FBN1: variants seen among roughly 807,000 people sequenced by gnomAD.
The protein encoded by FBN1 is fibrillin 1.
FBN1 carries 29 observed loss-of-function variants against 365.1 expected under a neutral mutation model. The observed-to-expected ratio is 0.08, with a 90% confidence interval of 0.06 to 0.11. The LOEUF is 0.11. Among genes scored for constraint, FBN1 ranks in the 10% least tolerant of loss-of-function variants. The pLI is 1.00. For synonymous variants in FBN1, 1,210 were observed against 1,270.5 expected, an observed-to-expected ratio of 0.95 and a Z score of 1.01; for missense variants, 2,476 against 3,703.2, an observed-to-expected ratio of 0.67 and a Z score of 8.60.
rs28730794 is a variant in FBN1, at chr15:48,472,836, A to C, written c.4211-160T>G. 0.46 allele frequency among the ~76,000 whole-genome samples: 70,067 copies of C among 151,904 alleles called. 19,401 individuals carry two copies. The highest frequency in any genetic ancestry group is 0.78 in the African/African-American group (32,304 of 41,410). On this transcript the variant is annotated intron_variant, in intron 34 of 65. Coordinates refer to ENST00000316623, the MANE Select transcript of FBN1 (RefSeq NM_000138.5). The stretch of plus-strand genomic sequence containing the variant: ...CTTTGGTAGGCTAACACTGAATATG[A>C]AATTTACATGTGGCTGATTCAGAAT...
intron 4 of FBN1, among the ~76,000 whole-genome samples, chr15:48,610,372 G>T (rs1597631368): frequency 6.6e-6 from 1 of 152,170 alleles, no homozygotes; most frequent in East Asian, 1.9e-4. Context: ...AAGGAAGCAT[G>T]CCTAGATTTC....
chr15:48,469,114 TATATATATAAAATATAATATATATTAC>T (rs1473758535), intron 36 of FBN1, among the ~76,000 whole-genome samples: 6 of 144,736 alleles, frequency 4.1e-5, no homozygotes, highest in African/African-American at 1.3e-4. Context: ...ATATATTACA[TATATATATAAAATATAATATATATTAC>T]ATATATATAT....
chr15:48,481,589 A>G, intron 32 of FBN1, 66 bp downstream of exon 32: 22 of 1,488,804 alleles, frequency 1.5e-5, no homozygotes, highest in Non-Finnish European at 2.0e-5. Context: ...ACATGTATCA[A>G]TCTATAATTA....
intron 30 of FBN1, 85 bp downstream of exon 30, chr15:48,485,289 C>T (rs1420524466): frequency 5.7e-6 from 9 of 1,584,014 alleles, no homozygotes; most frequent in Non-Finnish European, 7.8e-6. Flanking sequence ...TGGACTCAAG[C>T]CTGCTTGACT....
Position 48,430,855 on chromosome 15 carries a change from T to A in FBN1, c.6740-53A>T, listed in dbSNP as rs1016959252. The A allele has an allele frequency of 4.4e-6, 7 of 1,574,374 alleles. No homozygotes were observed. In the African/African-American group the frequency reaches 9.4e-5, roughly 21 times the overall value. On this transcript the variant is annotated intron_variant, in intron 55 of 65. Coordinates refer to ENST00000316623, the MANE Select transcript of FBN1 (RefSeq NM_000138.5). ...GTCAAAGAAAATGCATATATCTGCC[T>A]TAATTACCTGACTTTTAAACATAAA... is the stretch of plus-strand genomic sequence containing the variant.
intron 6 of FBN1, among the ~76,000 whole-genome samples, chr15:48,560,636 C>T (rs1044618199): frequency 2.0e-5 from 3 of 152,118 alleles, no homozygotes; most frequent in South Asian, 2.1e-4. Context: ...CGGTTGTCTT[C>T]GTATGAGCAC....
At position 48,513,528 on chromosome 15, in the gene FBN1, C is replaced by T. The variant is rs201073098; in HGVS notation, c.1588+21G>A. Reference sequence around the variant, plus strand: ...GTTAGCATATATGTCCCACATTCCACGTCAGGAGCCAGGACCATACCTCGG... The same window carrying T: ...GTTAGCATATATGTCCCACATTCCATGTCAGGAGCCAGGACCATACCTCGG... On this transcript the variant is annotated intron_variant, in intron 13 of 65. Transcript: ENST00000316623. 9.1e-4 allele frequency: 1,464 copies of T among 1,613,874 alleles called. 5 individuals carry two copies. The highest frequency in any genetic ancestry group is 2.2e-3 in the South Asian group (204 of 91,084).
At chr15:48,618,126 G>A (rs1054200124) in intron 2 of FBN1, among the ~76,000 whole-genome samples, 3 of 151,974 alleles carry the variant, frequency 2.0e-5, no homozygotes, top group African/African-American at 7.3e-5. Flanking sequence ...TAAATCTGGA[G>A]GGGATCAAAA....
intron 4 of FBN1, among the ~76,000 whole-genome samples, chr15:48,607,024 A>G (rs935199627): frequency 3.3e-5 from 5 of 152,178 alleles, no homozygotes. Flanking sequence ...CATTGGTGCC[A>G]TGCTCTGGAC....
intron 13 of FBN1, among the ~76,000 whole-genome samples, chr15:48,513,232 T>C (rs2043774797): frequency 6.6e-6 from 1 of 152,220 alleles, no homozygotes; most frequent in African/African-American, 2.4e-5. Context: ...TTTCCTCAGT[T>C]GCTGTGTCAT....
intron 45 of FBN1, among the ~76,000 whole-genome samples, chr15:48,451,699 A>G (rs188949360): frequency 2.0e-5 from 3 of 152,152 alleles, no homozygotes; most frequent in Non-Finnish European, 4.4e-5. Flanking sequence ...ATTCTTCCTG[A>G]CTAATATACA....
At chr15:48,566,125 ATCTG>A (rs1274290141) in intron 6 of FBN1, among the ~76,000 whole-genome samples, 2 of 152,190 alleles carry the variant, frequency 1.3e-5, no homozygotes, top group African/African-American at 2.4e-5. Flanking sequence ...TGCTGTAATC[ATCTG>A]TAGTAAGAAT....
chr15:48,630,731 CAAAAAAAAAAA>C (rs11393587), intron 2 of FBN1, among the ~76,000 whole-genome samples: 1 of 111,100 alleles, frequency 9.0e-6, no homozygotes, highest in Admixed American at 1.1e-4. Flanking sequence ...GACTCCATCT[CAAAAAAAAAAA>C]AAAAAAAAGA....
At chr15:48,513,130 C>T (rs1184227582) in intron 13 of FBN1, among the ~76,000 whole-genome samples, 1 of 152,150 alleles carries the variant, frequency 6.6e-6, no homozygotes, top group Non-Finnish European at 1.5e-5. Context: ...CTGTTGCTGA[C>T]CACACTAAAA....
Position 48,437,349 on chromosome 15 carries a change from T to C in FBN1, c.6352A>G (p.Ile2118Val). Residue 2118 changes from isoleucine to valine, a missense_variant, in exon 52 of 66, where the codon ATC becomes GTC. Transcript: ENST00000316623. ...RQICPYGSGI[I>V]VGPDDSAVDM... Reference sequence around the variant, plus strand: ...ACTGCTGAATCATCAGGTCCCACGATGATCCCACTTCCATAAGGACATATC... The same window carrying C: ...ACTGCTGAATCATCAGGTCCCACGACGATCCCACTTCCATAAGGACATATC... 2 of 1,613,686 alleles carry C rather than the reference T, an allele frequency of 1.2e-6. No individual in the cohort carries two copies. Among genetic ancestry groups the C allele is most frequent in the Non-Finnish European group, 1.7e-6 (2 of 1,179,734 alleles).
At position 48,456,065 on chromosome 15, in the gene FBN1, G is replaced by A. The variant is rs78603417; in HGVS notation, c.5422+572C>T. On this transcript the variant is annotated intron_variant, in intron 44 of 65. Transcript: ENST00000316623. ...TCCCAGATGCAGGAAAAAATATGAAGTGCTATAAGGAATGCTCCGAATCAC... is the reference window on the plus strand; with the variant it reads ...TCCCAGATGCAGGAAAAAATATGAAATGCTATAAGGAATGCTCCGAATCAC... 0.016 allele frequency among the ~76,000 whole-genome samples: 2,494 copies of A among 152,156 alleles called. 205 individuals carry two copies. The East Asian group carries it at 0.24, about 15-fold the overall frequency.
intron 49 of FBN1, among the ~76,000 whole-genome samples, chr15:48,443,541 G>A (rs968382813): frequency 2.0e-5 from 3 of 152,126 alleles, no homozygotes; most frequent in African/African-American, 7.2e-5. Context: ...ATTTCAATAA[G>A]GTGTTTCCAT....
At chr15:48,434,484 G>A in intron 54 of FBN1, 110 bp downstream of exon 54, 2 of 1,403,156 alleles carry the variant, frequency 1.4e-6, no homozygotes, top group Non-Finnish European at 2.0e-6. Context: ...AGGCCTAGAT[G>A]ATCTTTATTA....
chr15:48,524,733 C>T (rs986350561), intron 9 of FBN1, among the ~76,000 whole-genome samples: 1 of 152,114 alleles, frequency 6.6e-6, no homozygotes, highest in African/African-American at 2.4e-5. Flanking sequence ...AACTATTGGG[C>T]CATTATTTAT....
Sources: gnomAD v4.1 joint callset for allele counts (sites outside exome capture counted in the v4.1 genomes callset) on GRCh38, gnomAD v4.1.1 for gene constraint, MANE v1.5 for transcripts, NCBI Gene and HGNC (gene_info 2026-07-23, HGNC 2026-07-21) for gene names.